The following CNOT1 variants were observed in gnomAD, a reference collection of about 807,000 sequenced individuals.
CNOT1 encodes the protein CCR4-associated factor 1.
A neutral mutation model predicts 273.8 loss-of-function variants in CNOT1; 15 were observed. That is an observed-to-expected ratio of 0.05 (90% CI 0.04 to 0.08). The LOEUF (loss-of-function observed/expected upper bound fraction) is 0.08, where lower values mean the gene tolerates loss of function less well. Among genes scored for constraint, CNOT1 ranks in the 10% least tolerant of loss-of-function variants. The pLI, the probability that CNOT1 is intolerant of heterozygous loss-of-function variation, is 1.00. For synonymous variants in CNOT1, 1,022 were observed against 1,005.5 expected (o/e 1.02, Z -0.31); for missense variants, 1,644 against 2,912.2 (o/e 0.56, Z 10.02).
Position 58,555,274 on chromosome 16 carries a change from A to T in CNOT1, c.2868T>A (p.Ala956=). 1 of 1,614,152 alleles carries T rather than the reference A, an allele frequency of 6.2e-7. No homozygotes were observed. Among genetic ancestry groups the T allele is most frequent in the Non-Finnish European group, 8.5e-7 (1 of 1,180,016 alleles). ...ACCTGTTTTTAAATCTATCTAGTGCAGCAATCCCGAAATAATACATTTTGG... is the reference window on the plus strand; with the variant it reads ...ACCTGTTTTTAAATCTATCTAGTGCTGCAATCCCGAAATAATACATTTTGG... ...FGSKMYYFGI[A]ALDRFKNRLK... Residue 956 remains alanine, a synonymous_variant, in exon 21 of 49, where the codon GCT becomes GCA. Transcript: ENST00000317147.
At chr16:58,578,506 C>T (rs1036598262) in intron 13 of CNOT1, among the ~76,000 whole-genome samples, 193 bp downstream of exon 13, 2 of 151,460 alleles carry the variant, frequency 1.3e-5, no homozygotes, top group Non-Finnish European at 2.9e-5. Flanking sequence ...ATTTTGCCTC[C>T]TTGCTTTTGG....
At chr16:58,580,881 T>C (rs1478975960) in intron 11 of CNOT1, 121 bp from the exon 12 acceptor site, 5 of 1,001,892 alleles carry the variant, frequency 5.0e-6, no homozygotes, top group Non-Finnish European at 7.0e-6. Flanking sequence ...CCGTTTAAAA[T>C]CTTAATTATT....
Position 58,545,401 on chromosome 16 carries a change from G to C in CNOT1, c.4097C>G (p.Ser1366Cys), listed in dbSNP as rs570312841. The change falls in exon 30 of 49, where the codon TCC (serine) becomes TGC (cysteine). Residue 1366 changes from serine to cysteine, a missense_variant. Around this residue, in one of 13 missense-constraint regions of CNOT1, gnomAD observed 133 missense variants for 230.4 expected, o/e 0.58. Transcript: ENST00000317147. ...AATGTGTGGTGCCAAGCCCGCAAGG[G>C]AATAGACATTGATGTCGTGGTAGCT... is the stretch of plus-strand genomic sequence containing the variant. ...QYSYHDINVY[S>C]LAGLAPHITL... The C allele has an allele frequency of 6.8e-6, 11 of 1,614,114 alleles. No homozygotes were observed. The South Asian group carries it at 1.2e-4, about 18-fold the overall frequency.
Position 58,558,087 on chromosome 16 carries a change from G to A in CNOT1, c.2332+386C>T, listed in dbSNP as rs180848747. On this transcript the variant is annotated intron_variant, in intron 18 of 48. Coordinates refer to ENST00000317147, the MANE Select transcript of CNOT1 (RefSeq NM_016284.5). The stretch of plus-strand genomic sequence containing the variant: ...TTGGTGAAATGCAATAAGGCAGGCA[G>A]AACATATGCCTGAACCTGATAGGTA... Among the ~76,000 whole-genome samples, 412 of 152,282 alleles carry A rather than the reference G, an allele frequency of 2.7e-3. 2 individuals are homozygous for A. Among genetic ancestry groups the A allele is most frequent in the African/African-American group, 9.3e-3 (388 of 41,556 alleles).
chr16:58,565,960 G>A (rs2041027862), intron 16 of CNOT1, among the ~76,000 whole-genome samples: 1 of 149,588 alleles, frequency 6.7e-6, no homozygotes, highest in Admixed American at 6.6e-5. Flanking sequence ...AAAAGTACAA[G>A]TCAGTTGTTT....
At chr16:58,560,442 T>A (rs2040794453) in intron 16 of CNOT1, 80 bp from the exon 17 acceptor site, 1 of 1,518,512 alleles carries the variant, frequency 6.6e-7, no homozygotes, top group Non-Finnish European at 8.8e-7. Flanking sequence ...TCTGATTTTT[T>A]TTTTTTTTAA....
intron 2 of CNOT1, among the ~76,000 whole-genome samples, chr16:58,591,755 G>GA (rs34192497): frequency 0.056 from 7,591 of 136,686 alleles, 240 homozygotes; most frequent in Middle Eastern, 0.09. Context: ...ACTCCGTCTC[G>GA]AAAAAAAAAA....
intron 12 of CNOT1, 132 bp from the exon 13 acceptor site, chr16:58,579,071 T>C: frequency 1.4e-6 from 2 of 1,437,698 alleles, no homozygotes; most frequent in Non-Finnish European, 1.8e-6. Flanking sequence ...AAGTTTGAAG[T>C]CCACAGCACT....
Position 58,560,974 on chromosome 16 carries a change from G to A in CNOT1, c.1980-612C>T, listed in dbSNP as rs191577606. On this transcript the variant is annotated intron_variant, in intron 16 of 48. Coordinates refer to ENST00000317147, the MANE Select transcript of CNOT1 (RefSeq NM_016284.5). ...TGGGAGGCAGAGGTTGCAGTGAGCC[G>A]AGATCGCGCCACTGCACTCCAGTCT... Among the ~76,000 whole-genome samples, 598 of 152,226 alleles carry A rather than the reference G, an allele frequency of 3.9e-3. 6 individuals are homozygous for A. The highest frequency in any genetic ancestry group is 0.013 in the African/African-American group (520 of 41,570).
chr16:58,539,486 C>CACACACACACAGACACACACACACAG (rs1195287508), intron 35 of CNOT1, among the ~76,000 whole-genome samples: 2 of 149,388 alleles, frequency 1.3e-5, no homozygotes, highest in Non-Finnish European at 3.0e-5. Context: ...CACACACACA[C>CACACACACACAGACACACACACACAG]ACACACAGAC....
chr16:58,606,711 G>A (rs1188037323), intron 1 of CNOT1, among the ~76,000 whole-genome samples: 1 of 151,856 alleles, frequency 6.6e-6, no homozygotes, highest in Admixed American at 6.6e-5. Context: ...GCTGAGGCAG[G>A]GAGAATCGCT....
intron 1 of CNOT1, among the ~76,000 whole-genome samples, chr16:58,601,734 T>TAAAAAAAAAAAAAAAAAAAA (rs66711143): frequency 1.1e-5 from 1 of 91,514 alleles, no homozygotes; most frequent in Non-Finnish European, 2.2e-5. Flanking sequence ...ATACCCACCT[T>TAAAAAAAAAAAAAAAAAAAA]AAAAAAAAAA....
intron 4 of CNOT1, 146 bp from the exon 5 acceptor site, chr16:58,587,559 CTG>C (rs1468840062): frequency 4.0e-6 from 5 of 1,260,946 alleles, no homozygotes; most frequent in Non-Finnish European, 5.4e-6. Context: ...TGTCCTAAAA[CTG>C]TGAAATGACA....
At chr16:58,551,304 A>AT in intron 23 of CNOT1, 32 bp from the exon 24 acceptor site, 1 of 1,542,358 alleles carries the variant, frequency 6.5e-7, no homozygotes, top group Non-Finnish European at 8.7e-7. Context: ...CATAAGGCAA[A>AT]TAAGTTGAAA....
At position 58,610,211 on chromosome 16, in the gene CNOT1, A is replaced by T. The variant is rs144523459; in HGVS notation, c.-174-10700T>A. On this transcript the variant is annotated intron_variant, in intron 1 of 48. Transcript: ENST00000317147. ...GGTGGGTGAATCACTTGAAGCCAGG[A>T]GTTCAAAACCAGCCTTGCCAACATG... 3.9e-4 allele frequency among the ~76,000 whole-genome samples: 60 copies of T among 152,350 alleles called. No individual in the cohort carries two copies. In the East Asian group the frequency reaches 0.01, roughly 26 times the overall value.
chr16:58,555,145 C>A, intron 21 of CNOT1, 106 bp downstream of exon 21: 1 of 1,490,800 alleles, frequency 6.7e-7, no homozygotes, highest in East Asian at 2.3e-5. Context: ...AAGGTCAAGG[C>A]TGCAGTGAGC....
At chr16:58,577,816 G>C (rs1216217559) in intron 13 of CNOT1, among the ~76,000 whole-genome samples, 1 of 150,530 alleles carries the variant, frequency 6.6e-6, no homozygotes, top group Non-Finnish European at 1.5e-5. Context: ...CTCCAGCCTA[G>C]GTGACAGGGC....
rs66711143 is a variant in CNOT1 at position 58,601,734 on chromosome 16, T to TAAAAAAAAAAAAAAA, written c.-174-2238_-174-2224dup. ...ATATGCTAGTGCTCCATACCCACCTTAAAAAAAAAAAAAAAAAAAAGCCTG... is the reference window on the plus strand; with the variant it reads ...ATATGCTAGTGCTCCATACCCACCTTAAAAAAAAAAAAAAAAAAAAAAAAAAAAAAAAAAAGCCTG... On this transcript the variant is annotated intron_variant, in intron 1 of 48. Coordinates refer to ENST00000317147, the MANE Select transcript of CNOT1 (RefSeq NM_016284.5). 3.3e-4 allele frequency among the ~76,000 whole-genome samples: 30 copies of TAAAAAAAAAAAAAAA among 91,500 alleles called. 4 individuals are homozygous for TAAAAAAAAAAAAAAA. Among genetic ancestry groups the TAAAAAAAAAAAAAAA allele is most frequent in the Non-Finnish European group, 5.4e-4 (24 of 44,836 alleles). The allele number at this position is 91,500 out of a possible 152,430, so 60.0% of individuals were successfully genotyped here.
intron 1 of CNOT1, among the ~76,000 whole-genome samples, chr16:58,623,793 A>G (rs2043447064): frequency 6.6e-6 from 1 of 152,186 alleles, no homozygotes; most frequent in Non-Finnish European, 1.5e-5. Context: ...ATTCGAGACC[A>G]GCCTGACCAA....
Sources: allele counts gnomAD v4.1 joint callset (sites outside exome capture counted in the v4.1 genomes callset), GRCh38; gene constraint gnomAD v4.1.1; regional missense constraint gnomAD v4.1.1; transcripts MANE v1.5; gene names NCBI Gene and HGNC (gene_info 2026-07-23, HGNC 2026-07-21).